Variants in AGPAT3 observed in about 807,000 individuals in gnomAD.
The protein encoded by AGPAT3 is 1-acyl-sn-glycerol-3-phosphate acyltransferase gamma.
A neutral mutation model predicts 47.3 loss-of-function variants in AGPAT3; 5 were observed. The observed-to-expected ratio is 0.11, with a 90% CI of 0.06 to 0.22. The LOEUF (loss-of-function observed/expected upper bound fraction) is 0.22. Among genes scored for constraint, AGPAT3 ranks in the 10% least tolerant of loss-of-function variants. The pLI is 1.00. For missense variants in AGPAT3, 315 were observed against 493.0 expected, an observed-to-expected ratio of 0.64 and a Z score of 3.42; for synonymous variants, 212 against 208.3, an observed-to-expected ratio of 1.02 and a Z score of -0.15.
At chr21:43,972,807 C>T (rs1041197627) in intron 7 of AGPAT3, among the ~76,000 whole-genome samples, 4 of 152,318 alleles carry the variant, frequency 2.6e-5, no homozygotes, top group Non-Finnish European at 5.9e-5. Flanking sequence ...AGAAACCGTG[C>T]GCTGGATGGC....
chr21:43,943,424 C>T (rs2087736536), intron 2 of AGPAT3, among the ~76,000 whole-genome samples: 1 of 152,150 alleles, frequency 6.6e-6, no homozygotes, highest in South Asian at 2.1e-4. Flanking sequence ...TCCCTCCTGC[C>T]GTCCCATAGG....
chr21:43,899,118 C>G (rs1002297139), intron 1 of AGPAT3, among the ~76,000 whole-genome samples: 3 of 152,154 alleles, frequency 2.0e-5, no homozygotes, highest in Non-Finnish European at 2.9e-5. Flanking sequence ...CCTTGAAGTG[C>G]ACGTACATGA....
rs2089846878 is a variant in AGPAT3, at chr21:43,981,411, G to A, written c.1042+224G>A. The A allele has an allele frequency of 6.8e-6, 4 of 592,534 alleles. No individual in the cohort carries two copies. The highest frequency in any genetic ancestry group is 3.0e-5 in the Admixed American group (1 of 33,648). The allele number at this position is 592,534 out of a possible 1,614,324, so 36.7% of individuals were successfully genotyped here. On this transcript the variant is annotated intron_variant, in intron 9 of 9. Transcript: ENST00000291572. The surrounding 1 kb of genome is among the most constrained non-coding windows in gnomAD (Gnocchi z 5.3). Reference sequence around the variant, plus strand: ...GAGAGCCGAACGGCCGCCACCTGGCGCCATCCCCACTGCAGCCCCACTGGC... The same window carrying A: ...GAGAGCCGAACGGCCGCCACCTGGCACCATCCCCACTGCAGCCCCACTGGC...
In AGPAT3 at chr21:43,981,444, C is replaced by G. The variant is rs1174749548; in HGVS notation, c.1042+257C>G. ...CACTGCAGCCCCACTGGCTGGCGCC[C>G]TTGAGGATGCCGACGAGAGGGTCCC... On this transcript the variant is annotated intron_variant, in intron 9 of 9. Transcript: ENST00000291572. This position sits in a 1 kb window ranked among gnomAD's most constrained non-coding sequence, Gnocchi z 5.3. 1 of 555,724 alleles carries G rather than the reference C, an allele frequency of 1.8e-6. No homozygotes were observed. The highest frequency in any genetic ancestry group is 3.2e-6 in the Non-Finnish European group (1 of 310,126). The allele number at this position is 555,724 out of a possible 1,614,324, so 34.4% of individuals were successfully genotyped here.
At chr21:43,906,430 A>C (rs2086496443) in intron 2 of AGPAT3, among the ~76,000 whole-genome samples, 1 of 152,072 alleles carries the variant, frequency 6.6e-6, no homozygotes, top group Admixed American at 6.5e-5. Context: ...TACCTAATAA[A>C]CATCTGAAAA....
At chr21:43,888,728 C>T (rs1008974731) in intron 1 of AGPAT3, among the ~76,000 whole-genome samples, 2 of 152,322 alleles carry the variant, frequency 1.3e-5, no homozygotes, top group East Asian at 1.9e-4. Context: ...AGGTGCTTCA[C>T]GCCTGTAATC....
chr21:43,970,666 G>T lies in AGPAT3; in HGVS notation c.524G>T (p.Cys175Phe). 6.2e-7 allele frequency: 1 copy of T among 1,613,746 alleles called. No homozygotes were observed. Among genetic ancestry groups the T allele is most frequent in the Non-Finnish European group, 8.5e-7 (1 of 1,179,842 alleles). Residue 175 changes from cysteine to phenylalanine, a missense_variant, in exon 6 of 10, where the codon TGC becomes TTC. Physicochemically the swap from Cys to Phe is radical, Grantham distance 205. Coordinates refer to ENST00000291572, the MANE Select transcript of AGPAT3 (RefSeq NM_020132.5). This position sits in a 1 kb window ranked among gnomAD's most constrained non-coding sequence, Gnocchi z 5.8. ...TGTTGATCCTAGTTTCTCCTGTACT[G>T]CGAGGGGACGCGCTTCACGGAGACC... is the stretch of plus-strand genomic sequence containing the variant. ...YPEYMWFLLYCEGTRFTETKH... is the reference protein window; with the variant it reads ...YPEYMWFLLYFEGTRFTETKH...
chr21:43,946,367 AG>A (rs954796328), intron 2 of AGPAT3, among the ~76,000 whole-genome samples: 1 of 152,112 alleles, frequency 6.6e-6, no homozygotes, highest in African/African-American at 2.4e-5. Flanking sequence ...TGGGAAGCCG[AG>A]GTGGGTGGGT....
At chr21:43,961,216 T>C (rs957130872) in intron 3 of AGPAT3, among the ~76,000 whole-genome samples, 5 of 149,534 alleles carry the variant, frequency 3.3e-5, no homozygotes, top group Admixed American at 1.3e-4. Flanking sequence ...ATCCAGGGAG[T>C]GGGGAAAGGA....
At chr21:43,926,275 G>GTTC in intron 2 of AGPAT3, among the ~76,000 whole-genome samples, 1 of 152,228 alleles carries the variant, frequency 6.6e-6, no homozygotes, top group East Asian at 1.9e-4. Flanking sequence ...AATCTGGAGT[G>GTTC]TTCTTGAGTA....
chr21:43,913,008 G>A (rs913508367), intron 2 of AGPAT3, among the ~76,000 whole-genome samples: 2 of 152,214 alleles, frequency 1.3e-5, no homozygotes, highest in Admixed American at 6.5e-5. Context: ...CATTGAGGAC[G>A]TGTAATATTT....
Position 43,978,030 on chromosome 21 carries a change from C to T in AGPAT3, c.768-16C>T. The stretch of plus-strand genomic sequence containing the variant: ...TGTGGTGATTCACCCTACCTTGAAT[C>T]TTCTTCATAAAACAGGAGATTTCCT... On this transcript the variant is annotated splice_polypyrimidine_tract_variant and intron_variant, in intron 7 of 9. Transcript: ENST00000291572. The T allele has an allele frequency of 6.2e-7, 1 of 1,608,106 alleles. No individual in the cohort carries two copies. Among genetic ancestry groups the T allele is most frequent in the Non-Finnish European group, 8.5e-7 (1 of 1,176,120 alleles).
chr21:43,958,572 G>GTGTGTGGTTTGTGGTGTGTGTGGCATA (rs2088607874), intron 2 of AGPAT3, among the ~76,000 whole-genome samples: 1 of 151,674 alleles, frequency 6.6e-6, no homozygotes, highest in Non-Finnish European at 1.5e-5. Context: ...CGTGTGGCGT[G>GTGTGTGGTTTGTGGTGTGTGTGGCATA]TGTGTGGTTT....
chr21:43,865,446 C>G (rs939657070), intron 1 of AGPAT3, 101 bp downstream of exon 1: 35 of 146,826 alleles, frequency 2.4e-4, no homozygotes, highest in African/African-American at 8.5e-4. Flanking sequence ...GTCGCCCCTG[C>G]CCCAGCCGTC....
At chr21:43,966,884 G>T (rs989159794) in intron 3 of AGPAT3, 2 of 152,330 alleles carry the variant, frequency 1.3e-5, no homozygotes, top group Non-Finnish European at 2.9e-5. Flanking sequence ...ACTGGCTGGG[G>T]GGCACAAGAC....
At chr21:43,865,385 CT>C (rs2085480445) in intron 1 of AGPAT3, 40 bp downstream of exon 1, 1 of 146,606 alleles carries the variant, frequency 6.8e-6, no homozygotes, top group South Asian at 2.1e-4. Context: ...GGCCGCCCCC[CT>C]CTTCCCCCAC....
chr21:43,894,864 C>T (rs2086180559), intron 1 of AGPAT3, among the ~76,000 whole-genome samples: 1 of 152,170 alleles, frequency 6.6e-6, no homozygotes, highest in Non-Finnish European at 1.5e-5. Context: ...AAGCACTGGA[C>T]TCTGTTCCCC....
In AGPAT3 at chr21:43,982,163, A is replaced by G; in HGVS notation, c.1043-141A>G. On this transcript the variant is annotated intron_variant, in intron 9 of 9. Coordinates refer to ENST00000291572, the MANE Select transcript of AGPAT3 (RefSeq NM_020132.5). This position sits in a 1 kb window ranked among gnomAD's most constrained non-coding sequence, Gnocchi z 6.2. Reference sequence around the variant, plus strand: ...GGCTGTCTCCCCGCGGGCCACACCTACTCACTGACAGCAGAGGCCACTGGG... The same window carrying G: ...GGCTGTCTCCCCGCGGGCCACACCTGCTCACTGACAGCAGAGGCCACTGGG... The G allele has an allele frequency of 1.5e-6, 1 of 656,158 alleles. No individual in the cohort carries two copies. 40.6% of individuals were successfully genotyped at this position (656,158 alleles called of 1,614,324 possible). A position where few individuals can be genotyped will look rare whatever the true frequency, so the allele number is the denominator to read the frequency against.
intron 1 of AGPAT3, among the ~76,000 whole-genome samples, chr21:43,885,221 G>A (rs2085946868): frequency 1.3e-5 from 2 of 152,246 alleles, no homozygotes; most frequent in African/African-American, 2.4e-5. Flanking sequence ...GGTGCAGGAG[G>A]CCTGGGCCTG....
Sources: allele counts gnomAD v4.1 joint callset (sites outside exome capture counted in the v4.1 genomes callset), GRCh38; gene constraint gnomAD v4.1.1; non-coding constraint Gnocchi (gnomAD v3.1); transcripts MANE v1.5; gene names NCBI Gene and HGNC (gene_info 2026-07-23, HGNC 2026-07-21).